Variants in MILR1 observed in about 807,000 individuals in gnomAD.
MILR1 encodes the protein allergin-1.
MILR1 carries 31 observed loss-of-function variants against 18.5 expected under a neutral mutation model. That is an observed-to-expected ratio of 1.68 (90% CI 1.26 to 2.26). The LOEUF (loss-of-function observed/expected upper bound fraction) is 2.26. Ranked by LOEUF, MILR1 falls within the 30% of genes most tolerant of loss-of-function variation. The pLI is 0.00. For missense variants in MILR1, 257 were observed against 157.4 expected (o/e 1.63, Z -3.38); for synonymous variants, 85 against 56.2 (o/e 1.51, Z -2.30).
the MILR1 span, chr17:64,496,638 C>T: frequency 5.0e-6 from 8 of 1,614,010 alleles, no homozygotes; most frequent in Non-Finnish European, 5.9e-6. Context: ...CATTCTGCGG[C>T]CAGGTTCTTC....
In MILR1 at chr17:64,449,155, C is replaced by A. The variant is rs1202042996; in HGVS notation, c.-14C>A. On this transcript the variant is annotated 5_prime_UTR_variant, in exon 1 of 10. Transcript: ENST00000619286. ...CTATGCCTTCTGACCCCGTCTTGGA[C>A]TTCAACTGGGAGAATGTGGAGCCAT... 36 of 468,350 alleles carry A rather than the reference C, an allele frequency of 7.7e-5. No individual in the cohort carries two copies. In the East Asian group the frequency reaches 1.1e-3, roughly 15 times the overall value. 29.0% of individuals were successfully genotyped at this position (468,350 alleles called of 1,614,324 possible).
chr17:64,489,135 G>T, the MILR1 span, among the ~76,000 whole-genome samples: 1 of 150,992 alleles, frequency 6.6e-6, no homozygotes, highest in African/African-American at 2.4e-5. Flanking sequence ...GCTACAAAAG[G>T]TAAGGAAGTG....
At position 64,466,292 on chromosome 17, in the gene MILR1, G is replaced by C. The variant is rs2037558155; in HGVS notation, c.854-150G>C. The C allele has an allele frequency of 1.4e-5, 10 of 690,668 alleles. No individual in the cohort carries two copies. In the East Asian group the frequency reaches 2.7e-4, roughly 19 times the overall value. The allele number at this position is 690,668 out of a possible 1,614,324, so 42.8% of individuals were successfully genotyped here. On this transcript the variant is annotated intron_variant, in intron 6 of 9. Coordinates refer to ENST00000619286, the MANE Select transcript of MILR1 (RefSeq NM_001085423.2). Reference sequence around the variant, plus strand: ...GGACTACAATTCAAGATGTGATTTGGGTGAGGACACAGTCAAACCCTATCA... The same window carrying C: ...GGACTACAATTCAAGATGTGATTTGCGTGAGGACACAGTCAAACCCTATCA...
chr17:64,472,251 G>C (rs1226715370), downstream of MILR1, among the ~76,000 whole-genome samples: 2 of 151,894 alleles, frequency 1.3e-5, no homozygotes, highest in African/African-American at 4.8e-5. Context: ...TGGATCACCT[G>C]AGGTTGGGAG....
At chr17:64,497,084 G>C in the MILR1 span, 3 of 1,105,008 alleles carry the variant, frequency 2.7e-6, no homozygotes, top group Admixed American at 1.9e-5. Context: ...AGGTGAGCGT[G>C]CTTGCGGGCG....
chr17:64,468,542 G>C lies in MILR1; in HGVS notation c.*261G>C. The C allele has an allele frequency of 1.1e-6, 1 of 930,420 alleles. No homozygotes were observed. Among genetic ancestry groups the C allele is most frequent in the South Asian group, 1.8e-5 (1 of 54,492 alleles). The allele number at this position is 930,420 out of a possible 1,614,324, so 57.6% of individuals were successfully genotyped here. On this transcript the variant is annotated 3_prime_UTR_variant, in exon 10 of 10. Transcript: ENST00000619286. ...GACCTCAGATGATCTGCCTGCCTCG[G>C]CCTCCCAAAGTGCTGGAACTACAAG...
At chr17:64,497,009 C>T in the MILR1 span, 233 of 1,560,124 alleles carry the variant, frequency 1.5e-4, no homozygotes, top group Non-Finnish European at 2.0e-4. Flanking sequence ...CATCACTCAA[C>T]GGATCCCAAC....
the MILR1 span, chr17:64,497,032 C>G: frequency 2.7e-6 from 4 of 1,494,676 alleles, no homozygotes; most frequent in South Asian, 1.1e-5. Context: ...GCCACCACTA[C>G]CGTTAACAGA....
intron 5 of MILR1, 101 bp from the exon 6 acceptor site, chr17:64,465,351 C>T (rs2037529768): frequency 2.4e-6 from 2 of 827,010 alleles, no homozygotes; most frequent in South Asian, 1.5e-5. Context: ...GCAAGTCACT[C>T]TCTGTTTCAG....
chr17:64,479,377 G>T, the MILR1 span, among the ~76,000 whole-genome samples: 371 of 151,958 alleles, frequency 2.4e-3, no homozygotes, highest in Non-Finnish European at 3.9e-3. Flanking sequence ...TAGAGACGGG[G>T]TTTTGCTATG....
chr17:64,494,944 C>A, the MILR1 span, among the ~76,000 whole-genome samples: 1 of 149,842 alleles, frequency 6.7e-6, no homozygotes, highest in Non-Finnish European at 1.5e-5. Flanking sequence ...GAGGCCGAGG[C>A]GGGCGGATCA....
intron 5 of MILR1, among the ~76,000 whole-genome samples, chr17:64,463,973 A>ATATG (rs2037489470): frequency 6.6e-6 from 1 of 151,540 alleles, no homozygotes. Flanking sequence ...ACAGGCGCCC[A>ATATG]CCACCACGCT....
At chr17:64,485,963 C>A in the MILR1 span, 1 of 1,249,016 alleles carries the variant, frequency 8.0e-7, no homozygotes, top group Non-Finnish European at 1.2e-6. Flanking sequence ...CCTGGCCAGG[C>A]TGGAGTGCAG....
chr17:64,475,670 A>AC, the MILR1 span, among the ~76,000 whole-genome samples: 2 of 151,398 alleles, frequency 1.3e-5, no homozygotes, highest in African/African-American at 4.8e-5. Flanking sequence ...AAAAACAACA[A>AC]AAAAAGTACT....
intron 3 of MILR1, among the ~76,000 whole-genome samples, chr17:64,453,827 C>T (rs1052733003): frequency 1.9e-4 from 29 of 152,214 alleles, no homozygotes; most frequent in African/African-American, 5.8e-4. Context: ...GTCTTCAAAG[C>T]GTAGGGACCC....
At chr17:64,488,895 G>A in the MILR1 span, among the ~76,000 whole-genome samples, 1 of 151,930 alleles carries the variant, frequency 6.6e-6, no homozygotes, top group East Asian at 1.9e-4. Flanking sequence ...TTGAACCTGG[G>A]AATCGCGACA....
At chr17:64,476,673 A>G in the MILR1 span, among the ~76,000 whole-genome samples, 1 of 152,098 alleles carries the variant, frequency 6.6e-6, no homozygotes, top group African/African-American at 2.4e-5. Context: ...AAAATTCTCC[A>G]TAATAAAAAA....
At chr17:64,468,929 A>T (rs2037642293), downstream of MILR1, among the ~76,000 whole-genome samples, 1 of 151,976 alleles carries the variant, frequency 6.6e-6, no homozygotes, top group African/African-American at 2.4e-5. Context: ...TACTAAAAAT[A>T]CAAAAAAATT....
chr17:64,496,279 A>G, the MILR1 span: 1 of 669,366 alleles, frequency 1.5e-6, no homozygotes, highest in Non-Finnish European at 2.7e-6. Context: ...CGACTACTTC[A>G]AAAAGATGAG....
Sources: gnomAD v4.1 joint callset for allele counts (sites outside exome capture counted in the v4.1 genomes callset) on GRCh38, gnomAD v4.1.1 for gene constraint, MANE v1.5 for transcripts, NCBI Gene and HGNC (gene_info 2026-07-23, HGNC 2026-07-21) for gene names.